KSR1: variants seen among roughly 807,000 people sequenced by gnomAD.
The protein encoded by KSR1 is kinase suppressor of ras.
KSR1 carries 35 observed loss-of-function variants against 92.9 expected under a neutral mutation model. The observed-to-expected ratio is 0.38, with a 90% CI of 0.29 to 0.50. The LOEUF (loss-of-function observed/expected upper bound fraction) is 0.50, where lower values mean the gene tolerates loss of function less well. Among genes scored for constraint, KSR1 ranks in the 20% least tolerant of loss-of-function variants. KSR1 has a pLI of 0.94. For synonymous variants in KSR1, 467 were observed against 472.6 expected, an observed-to-expected ratio of 0.99 and a Z score of 0.15; for missense variants, 972 against 1,158.5, an observed-to-expected ratio of 0.84 and a Z score of 2.34.
Position 27,592,410 on chromosome 17 carries a change from T to G in KSR1, c.1180T>G (p.Ser394Ala). 1 of 1,613,944 alleles carries G rather than the reference T, an allele frequency of 6.2e-7. No individual in the cohort carries two copies. Among genetic ancestry groups the G allele is most frequent in the Non-Finnish European group, 8.5e-7 (1 of 1,179,848 alleles). Residue 394 changes from serine to alanine, a missense_variant, in exon 8 of 21, where the codon TCC becomes GCC. Coordinates refer to ENST00000644974, the MANE Select transcript of KSR1 (RefSeq NM_001394583.1). Reference protein sequence around the residue: ...CTKEAPACRISFLPLTRLRRT... With the variant: ...CTKEAPACRIAFLPLTRLRRT... ...CAAAGAAGCCCCTGCCTGTAGAATA[T>G]CCTTCCTGCCACGTGAGTTTTCTGC...
intron 6 of KSR1, among the ~76,000 whole-genome samples, chr17:27,588,860 C>T (rs1034611639): frequency 3.9e-5 from 6 of 152,184 alleles, no homozygotes; most frequent in Non-Finnish European, 8.8e-5. Context: ...TCCCTACATC[C>T]AGTGCGATGT....
Position 27,623,640 on chromosome 17 carries a change from T to C in KSR1, c.*248T>C. 1.7e-6 allele frequency: 1 copy of C among 605,934 alleles called. No individual in the cohort carries two copies. Among genetic ancestry groups the C allele is most frequent in the Non-Finnish European group, 2.9e-6 (1 of 343,916 alleles). The allele number at this position is 605,934 out of a possible 1,614,324, so 37.5% of individuals were successfully genotyped here. A position where few individuals can be genotyped will look rare whatever the true frequency, so the allele number is the denominator to read the frequency against. On this transcript the variant is annotated 3_prime_UTR_variant, in exon 21 of 21. Coordinates refer to ENST00000644974, the MANE Select transcript of KSR1 (RefSeq NM_001394583.1). ...CAGCAAATGTTTACACGTATATTTCTCCTGAGTGAACCTGATGTTTTACAA... is the reference window on the plus strand; with the variant it reads ...CAGCAAATGTTTACACGTATATTTCCCCTGAGTGAACCTGATGTTTTACAA...
At chr17:27,551,196 T>C (rs35181546) in intron 2 of KSR1, among the ~76,000 whole-genome samples, 12 of 152,336 alleles carry the variant, frequency 7.9e-5, no homozygotes, top group Non-Finnish European at 1.6e-4. Flanking sequence ...CAGAATTTAG[T>C]TTAATCTTCT....
intron 1 of KSR1, among the ~76,000 whole-genome samples, chr17:27,504,491 G>A (rs1366276418): frequency 1.3e-5 from 2 of 152,308 alleles, no homozygotes; most frequent in East Asian, 3.9e-4. Flanking sequence ...TCCGGGGAAA[G>A]AGATGACCTG....
At chr17:27,487,421 G>A (rs964707951) in intron 1 of KSR1, among the ~76,000 whole-genome samples, 2 of 151,998 alleles carry the variant, frequency 1.3e-5, no homozygotes, top group Non-Finnish European at 2.9e-5. Flanking sequence ...CGTGACAGGA[G>A]CGAGACTCCA....
At chr17:27,533,699 T>A (rs995997608) in intron 1 of KSR1, among the ~76,000 whole-genome samples, 5 of 152,148 alleles carry the variant, frequency 3.3e-5, no homozygotes, top group African/African-American at 4.8e-5. Context: ...TTCATTTTTT[T>A]AAAAAGATTT....
At chr17:27,511,603 C>G (rs2069604332) in intron 1 of KSR1, among the ~76,000 whole-genome samples, 1 of 152,190 alleles carries the variant, frequency 6.6e-6, no homozygotes, top group Non-Finnish European at 1.5e-5. Flanking sequence ...GAGTGGGATG[C>G]TTCTGGGCTG....
chr17:27,601,577 T>G (rs2073558567), intron 11 of KSR1, among the ~76,000 whole-genome samples, 176 bp downstream of exon 11: 2 of 152,156 alleles, frequency 1.3e-5, no homozygotes, highest in Admixed American at 1.3e-4. Context: ...AGTGCCCTGG[T>G]GGTAGGCCTC....
In KSR1 at chr17:27,562,804, C is replaced by T. The variant is rs369491178; in HGVS notation, c.372+12096C>T. On this transcript the variant is annotated intron_variant, in intron 2 of 20. Coordinates refer to ENST00000644974, the MANE Select transcript of KSR1 (RefSeq NM_001394583.1). The stretch of plus-strand genomic sequence containing the variant: ...CTAGCTATGTACCTTTGGGGGAGGC[C>T]ACAGGATTGGGAAACAAAATTGTTT... Among the ~76,000 whole-genome samples, 201 of 152,326 alleles carry T rather than the reference C, an allele frequency of 1.3e-3. 4 individuals carry two copies. In the South Asian group the frequency reaches 0.039, roughly 30 times the overall value.
At chr17:27,498,640 T>A (rs563130501) in intron 1 of KSR1, among the ~76,000 whole-genome samples, 8 of 152,196 alleles carry the variant, frequency 5.3e-5, no homozygotes, top group African/African-American at 9.6e-5. Flanking sequence ...ATAACACTAG[T>A]GTTTGAGATC....
chr17:27,490,186 C>G (rs1328653146), intron 1 of KSR1, among the ~76,000 whole-genome samples: 1 of 152,098 alleles, frequency 6.6e-6, no homozygotes, highest in Non-Finnish European at 1.5e-5. Context: ...TACAAGGGGG[C>G]TGTTGAGAGG....
At chr17:27,495,638 G>T (rs9332455) in intron 1 of KSR1, among the ~76,000 whole-genome samples, 1 of 152,012 alleles carries the variant, frequency 6.6e-6, no homozygotes, top group Non-Finnish European at 1.5e-5. Context: ...GTCTCTACCA[G>T]GTAACACATG....
intron 1 of KSR1, among the ~76,000 whole-genome samples, chr17:27,531,689 C>T (rs1432177987): frequency 6.6e-6 from 1 of 152,140 alleles, no homozygotes; most frequent in African/African-American, 2.4e-5. Context: ...TAGCCAGCAG[C>T]GCCCTGAGGA....
chr17:27,484,413 G>A (rs752246832), intron 1 of KSR1, among the ~76,000 whole-genome samples: 5 of 152,132 alleles, frequency 3.3e-5, no homozygotes, highest in Non-Finnish European at 7.3e-5. Context: ...TATATTTTTG[G>A]TAGAGACGGA....
rs1387861364 is a variant in KSR1 at position 27,571,864 on chromosome 17, G to A, written c.373-5628G>A. On this transcript the variant is annotated intron_variant, in intron 2 of 20. Coordinates refer to ENST00000644974, the MANE Select transcript of KSR1 (RefSeq NM_001394583.1). ...TGGTCCACCTGACTGGCCACAGGGA[G>A]TGTGGCGCCTCTCAGTGTCAGCAGG... Among the ~76,000 whole-genome samples the A allele has an allele frequency of 2.6e-5, 4 of 152,370 alleles. No homozygotes were observed. In the East Asian group the frequency reaches 7.7e-4, roughly 29 times the overall value.
At chr17:27,555,833 A>G (rs1022307078) in intron 2 of KSR1, among the ~76,000 whole-genome samples, 3 of 152,196 alleles carry the variant, frequency 2.0e-5, no homozygotes, top group African/African-American at 7.2e-5. Context: ...CAAATGAACC[A>G]TTGGTTTTAT....
At chr17:27,513,791 C>A (rs1407344724) in intron 1 of KSR1, among the ~76,000 whole-genome samples, 1 of 152,160 alleles carries the variant, frequency 6.6e-6, no homozygotes, top group Non-Finnish European at 1.5e-5. Context: ...TAGCCAGTGT[C>A]GGGGGCTGGT....
At chr17:27,557,683 A>G (rs1435850728) in intron 2 of KSR1, among the ~76,000 whole-genome samples, 1 of 152,204 alleles carries the variant, frequency 6.6e-6, no homozygotes, top group East Asian at 1.9e-4. Context: ...CTTTCCTCAG[A>G]TGGCTGCTGC....
intron 1 of KSR1, among the ~76,000 whole-genome samples, chr17:27,474,918 C>CCA (rs1254511421): frequency 6.6e-6 from 1 of 152,130 alleles, no homozygotes; most frequent in South Asian, 2.1e-4. Context: ...CCTAAAAATA[C>CCA]CACACACACA....
Sources: gnomAD v4.1 joint callset for allele counts (sites outside exome capture counted in the v4.1 genomes callset) on GRCh38, gnomAD v4.1.1 for gene constraint, MANE v1.5 for transcripts, NCBI Gene and HGNC (gene_info 2026-07-23, HGNC 2026-07-21) for gene names.